Variants in PLS3 observed in about 807,000 individuals in gnomAD.
The protein encoded by PLS3 is plastin-3.
In PLS3, 11 loss-of-function variants were observed where a neutral mutation model predicts 46.5. The ratio of observed to expected loss-of-function variants is 0.24; its 90% CI spans 0.15 to 0.39. The LOEUF (loss-of-function observed/expected upper bound fraction) is 0.39, where lower values mean the gene tolerates loss of function less well. PLS3 is among the 10% of genes least tolerant of loss of function. The pLI is 1.00. For synonymous variants in PLS3, 167 were observed against 162.2 expected, an observed-to-expected ratio of 1.03 and a Z score of -0.22; for missense variants, 308 against 461.8, an observed-to-expected ratio of 0.67 and a Z score of 3.05.
At chrX:115,589,327 T>A (rs1319946476) in intron 1 of PLS3, among the ~76,000 whole-genome samples, 1 of 111,600 alleles carries the variant, frequency 9.0e-6, no homozygotes, top group East Asian at 2.8e-4. Context: ...ATGAAAAAAA[T>A]GATTACATAT....
At chrX:115,640,633 T>C (rs2074885332) in intron 9 of PLS3, 130 bp downstream of exon 9, 1 of 402,629 alleles carries the variant, frequency 2.5e-6, no homozygotes. Context: ...AATGTATTAC[T>C]GTACATGTAA....
intron 1 of PLS3, among the ~76,000 whole-genome samples, chrX:115,575,517 C>G (rs2074242556): frequency 8.9e-6 from 1 of 112,053 alleles, no homozygotes; most frequent in African/African-American, 3.2e-5. Flanking sequence ...CATCTCGGCT[C>G]ACTGCAAGCT....
intron 1 of PLS3, among the ~76,000 whole-genome samples, chrX:115,565,383 A>C (rs1392303383): frequency 1.8e-5 from 2 of 111,725 alleles, no homozygotes; most frequent in Non-Finnish European, 3.8e-5. Context: ...TGGGTCTTTT[A>C]GTCCTTTGCA....
rs373978498 is a variant in PLS3, at chrX:115,650,453, G to A, written c.*892G>A. 8.9e-6 allele frequency: 1 copy of A among 111,938 alleles called. No homozygotes were observed. The highest frequency in any genetic ancestry group is 2.8e-4 in the East Asian group (1 of 3,559). 9.2% of individuals were successfully genotyped at this position (111,938 alleles called of 1,213,427 possible). On this transcript the variant is annotated 3_prime_UTR_variant, in exon 16 of 16. Transcript: ENST00000355899. ...GTGCTCAGAACTTAGACGGGATTTG[G>A]TAGGCCAAGTATGCTAAGTGTACAA...
intron 1 of PLS3, among the ~76,000 whole-genome samples, chrX:115,601,970 C>G (rs1459127732): frequency 8.9e-6 from 1 of 111,779 alleles, no homozygotes. Flanking sequence ...TAAATTGGAC[C>G]CTGATCTGCT....
chrX:115,567,140 T>A (rs782771173), intron 1 of PLS3, among the ~76,000 whole-genome samples: 1 of 112,237 alleles, frequency 8.9e-6, no homozygotes, highest in South Asian at 3.7e-4. Flanking sequence ...TACCTCATTT[T>A]TAGTTTTGTG....
chrX:115,585,389 T>C (rs1295793341), intron 1 of PLS3, among the ~76,000 whole-genome samples: 1 of 111,557 alleles, frequency 9.0e-6, no homozygotes, highest in African/African-American at 3.3e-5. Context: ...AAAGTCTTTT[T>C]TTTTGTTTGT....
chrX:115,639,448 G>A (rs782666987), intron 8 of PLS3, among the ~76,000 whole-genome samples: 18 of 111,867 alleles, frequency 1.6e-4, no homozygotes, highest in Non-Finnish European at 2.8e-4. Context: ...TGGTAGCTCA[G>A]GAATTGGATT....
chrX:115,579,155 A>T lies in PLS3; in HGVS notation c.-9+17895A>T, dbSNP rs782647154. On this transcript the variant is annotated intron_variant, in intron 1 of 15. Coordinates refer to ENST00000355899, the MANE Select transcript of PLS3 (RefSeq NM_005032.7). The stretch of plus-strand genomic sequence containing the variant: ...TTAAAAATATTATATAAATGGAATG[A>T]TATATAGTATGTAGCCTTTGGGAAT... Among the ~76,000 whole-genome samples, 456 of 112,218 alleles carry T rather than the reference A, an allele frequency of 4.1e-3. 1 individual carries two copies. The highest frequency in any genetic ancestry group is 7.3e-3 in the Non-Finnish European group (387 of 53,331).
intron 1 of PLS3, among the ~76,000 whole-genome samples, chrX:115,592,794 T>A (rs1335796834): frequency 2.7e-5 from 3 of 111,653 alleles, no homozygotes; most frequent in Non-Finnish European, 5.6e-5. Flanking sequence ...GGAGTTGCTC[T>A]TATCTTCATC....
chrX:115,634,777 G>T (rs1446404420), intron 6 of PLS3, 104 bp from the exon 7 acceptor site: 13 of 710,820 alleles, frequency 1.8e-5, no homozygotes, highest in African/African-American at 6.5e-5. Flanking sequence ...ATTAATACAG[G>T]GTATTAATTT....
At chrX:115,600,940 A>G (rs782089244) in intron 1 of PLS3, among the ~76,000 whole-genome samples, 3 of 110,867 alleles carry the variant, frequency 2.7e-5, no homozygotes, top group Middle Eastern at 4.7e-3. Context: ...ATAGAGAGAG[A>G]GGAAGTTCTT....
In PLS3 at chrX:115,596,741, G is replaced by C. The variant is rs782098389; in HGVS notation, c.-8-13502G>C. Among the ~76,000 whole-genome samples the C allele has an allele frequency of 1.4e-4, 16 of 111,094 alleles. No homozygotes were observed. The South Asian group carries it at 3.9e-3, about 27-fold the overall frequency. On this transcript the variant is annotated intron_variant, in intron 1 of 15. Coordinates refer to ENST00000355899, the MANE Select transcript of PLS3 (RefSeq NM_005032.7). The stretch of plus-strand genomic sequence containing the variant: ...AATGCTAGCAACTGTGAAAGCTGAG[G>C]CGGGAGAATCGCTTGAACCCAGGAG...
At chrX:115,608,818 G>T (rs1556635716) in intron 1 of PLS3, among the ~76,000 whole-genome samples, 3 of 111,098 alleles carry the variant, frequency 2.7e-5, no homozygotes, top group African/African-American at 9.8e-5. Flanking sequence ...TTGCACAATG[G>T]CAAAATCACT....
intron 1 of PLS3, among the ~76,000 whole-genome samples, chrX:115,585,643 G>A (rs1463186587): frequency 1.3e-4 from 14 of 110,790 alleles, no homozygotes; most frequent in African/African-American, 4.3e-4. Flanking sequence ...GCCCTCCTCA[G>A]CCTCCCAAAG....
intron 3 of PLS3, among the ~76,000 whole-genome samples, chrX:115,628,307 C>G (rs1556638754): frequency 8.9e-6 from 1 of 112,406 alleles, no homozygotes; most frequent in Non-Finnish European, 1.9e-5. Flanking sequence ...TGCATTTGTT[C>G]AGCAACTTTT....
chrX:115,642,036 G>T (rs1244615477), intron 9 of PLS3, among the ~76,000 whole-genome samples: 1 of 89,192 alleles, frequency 1.1e-5, no homozygotes, highest in Admixed American at 1.3e-4. Flanking sequence ...CTTCTTTAGG[G>T]TCTTTTTTTT....
chrX:115,576,545 A>G (rs1335089065), intron 1 of PLS3, among the ~76,000 whole-genome samples: 1 of 112,048 alleles, frequency 8.9e-6, no homozygotes, highest in Non-Finnish European at 1.9e-5. Context: ...CCTGTCTCAA[A>G]AAAATAAAAT....
Position 115,614,653 on chromosome X carries a change from A to G in PLS3, c.73+4330A>G, listed in dbSNP as rs782533982. ...TTGATTTCACTGCTTAGATCTTGGGATGGAATATAGTTTAAATTCTTCTGC... is the reference window on the plus strand; with the variant it reads ...TTGATTTCACTGCTTAGATCTTGGGGTGGAATATAGTTTAAATTCTTCTGC... On this transcript the variant is annotated intron_variant, in intron 2 of 15. Transcript: ENST00000355899. 8.2e-5 allele frequency: 37 copies of G among 449,033 alleles called. No homozygotes were observed. The South Asian group carries it at 3.9e-3, about 47-fold the overall frequency. 37.0% of individuals were successfully genotyped at this position (449,033 alleles called of 1,213,427 possible).
Sources: allele counts gnomAD v4.1 joint callset (sites outside exome capture counted in the v4.1 genomes callset), GRCh38; gene constraint gnomAD v4.1.1; transcripts MANE v1.5; gene names NCBI Gene and HGNC (gene_info 2026-07-23, HGNC 2026-07-21).